The following PGM2L1 variants were observed in gnomAD, a reference collection of about 807,000 sequenced individuals.
PGM2L1 encodes phosphoglucomutase 2 like 1.
PGM2L1 carries 35 observed loss-of-function variants against 73.4 expected under a neutral mutation model. That is an observed-to-expected ratio of 0.48 (90% CI 0.36 to 0.63). PGM2L1 has a LOEUF of 0.63. Among genes scored for constraint, PGM2L1 ranks in the 30% least tolerant of loss-of-function variants. The probability of loss-of-function intolerance (pLI) is 0.00; values close to 1 mark genes in which losing one functional copy is unlikely to be tolerated. For synonymous variants in PGM2L1, 225 were observed against 253.8 expected (o/e 0.89, Z 1.08); for missense variants, 570 against 742.0 (o/e 0.77, Z 2.69).
chr11:74,335,526 G>A lies in PGM2L1; in HGVS notation c.*1126C>T, dbSNP rs1032880436. 6 of 152,148 alleles carry A rather than the reference G, an allele frequency of 3.9e-5. No individual in the cohort carries two copies. Among genetic ancestry groups the A allele is most frequent in the African/African-American group, 1.4e-4 (6 of 41,428 alleles). The allele number at this position is 152,148 out of a possible 1,614,324, so 9.4% of individuals were successfully genotyped here. Reference sequence around the variant, plus strand: ...GTCAGCAAGATGTTAGAATAAACTGGACCTCTGTTTTAAAACATGTAGTTT... The same window carrying A: ...GTCAGCAAGATGTTAGAATAAACTGAACCTCTGTTTTAAAACATGTAGTTT... On this transcript the variant is annotated 3_prime_UTR_variant, in exon 14 of 14. Transcript: ENST00000298198.
intron 4 of PGM2L1, among the ~76,000 whole-genome samples, chr11:74,370,366 C>T (rs1040576030): frequency 1.3e-5 from 2 of 152,162 alleles, no homozygotes; most frequent in Non-Finnish European, 2.9e-5. Context: ...TGTTATCTTC[C>T]TTAATCCATG....
At chr11:74,338,869 A>T (rs979227674) in intron 12 of PGM2L1, among the ~76,000 whole-genome samples, 2 of 152,198 alleles carry the variant, frequency 1.3e-5, no homozygotes, top group African/African-American at 4.8e-5. Context: ...CGAACTATAC[A>T]CTTAAAAATG....
chr11:74,393,921 C>T (rs921954177), intron 1 of PGM2L1, among the ~76,000 whole-genome samples: 1 of 151,996 alleles, frequency 6.6e-6, no homozygotes, highest in Admixed American at 6.6e-5. Context: ...AATGAGAGAA[C>T]CTGCTTCTGG....
At chr11:74,343,899 C>G (rs545309358) in intron 9 of PGM2L1, among the ~76,000 whole-genome samples, 101 of 151,508 alleles carry the variant, frequency 6.7e-4, no homozygotes, top group African/African-American at 2.4e-3. Flanking sequence ...CTGTCTCAGC[C>G]TCCTAAGTAG....
In PGM2L1 at chr11:74,398,158, C is replaced by T. The variant is rs1373570874; in HGVS notation, c.4G>A (p.Ala2Thr). 1.9e-6 allele frequency: 3 copies of T among 1,608,518 alleles called. No homozygotes were observed. Among genetic ancestry groups the T allele is most frequent in the Admixed American group, 3.4e-5 (2 of 59,504 alleles). Residue 2 changes from alanine (A) to threonine (T), a missense_variant, in exon 1 of 14, where the codon GCT (alanine) becomes ACT (threonine). Ala to Thr is a moderately conservative substitution (Grantham distance 58). Transcript: ENST00000298198. M[A>T]ENTEGDLNSN... is the part of the protein sequence containing the mutation. ...TTCAGATCCCCCTCTGTGTTTTCAG[C>T]CATGGCGACCAGACAGGCGTACGGG...
At chr11:74,348,126 T>C (rs1483375778) in intron 6 of PGM2L1, among the ~76,000 whole-genome samples, 2 of 152,270 alleles carry the variant, frequency 1.3e-5, no homozygotes, top group African/African-American at 2.4e-5. Context: ...GTTCTTTGTA[T>C]CAAAGGTCAA....
In PGM2L1 at chr11:74,374,442, A is replaced by G. The variant is rs770569445; in HGVS notation, c.252T>C (p.Asn84=). 1 of 1,613,818 alleles carries G rather than the reference A, an allele frequency of 6.2e-7. No individual in the cohort carries two copies. The highest frequency in any genetic ancestry group is 8.5e-7 in the Non-Finnish European group (1 of 1,179,784). The change falls in exon 2 of 14, where the codon AAT becomes AAC. Residue 84 remains asparagine (N), a synonymous_variant. Transcript: ENST00000298198. ...GTGTTGACTGTATTACTGTAAGGTC[A>G]TTAATATAGCAAAACCCTGCCCCCA... ...SAMGAGFCYI[N]DLTVIQSTQG...
chr11:74,346,699 C>T (rs1235283545), intron 8 of PGM2L1, 33 bp downstream of exon 8: 1 of 1,536,528 alleles, frequency 6.5e-7, no homozygotes, highest in Non-Finnish European at 9.0e-7. Context: ...TTTCAAAGTT[C>T]AAGCTTTTAA....
chr11:74,392,783 G>C (rs967148809), intron 1 of PGM2L1, among the ~76,000 whole-genome samples: 2 of 152,114 alleles, frequency 1.3e-5, no homozygotes, highest in African/African-American at 4.8e-5. Flanking sequence ...CTTGTGATCC[G>C]CCCGCCTCGG....
At chr11:74,348,918 C>A (rs1862307851) in intron 6 of PGM2L1, among the ~76,000 whole-genome samples, 1 of 152,170 alleles carries the variant, frequency 6.6e-6, no homozygotes, top group South Asian at 2.1e-4. Context: ...TATTGACTCA[C>A]AGGTGGAAGC....
At chr11:74,363,947 T>C (rs1003306304) in intron 5 of PGM2L1, among the ~76,000 whole-genome samples, 9 of 152,194 alleles carry the variant, frequency 5.9e-5, no homozygotes, top group Non-Finnish European at 8.8e-5. Context: ...CTGATAAACA[T>C]CAATGCAAAA....
Position 74,333,189 on chromosome 11 carries a change from AAAAAT to A in PGM2L1, c.*3458_*3462del. On this transcript the variant is annotated 3_prime_UTR_variant, in exon 14 of 14. Transcript: ENST00000298198. ...TAATTTTTAAAATTTTTATTCCCTT[AAAAAT>A]AAAAAAAAGATTTTGAATAGAAGAT... The A allele has an allele frequency of 6.6e-6, 1 of 150,854 alleles. No homozygotes were observed. Among genetic ancestry groups the A allele is most frequent in the Non-Finnish European group, 1.5e-5 (1 of 67,996 alleles). The allele number at this position is 150,854 out of a possible 1,614,324, so 9.3% of individuals were successfully genotyped here.
At position 74,365,189 on chromosome 11, in the gene PGM2L1, C is replaced by T. The variant is rs1326034209; in HGVS notation, c.555+3303G>A. Among the ~76,000 whole-genome samples the T allele has an allele frequency of 3.9e-5, 6 of 151,982 alleles. No individual in the cohort carries two copies. In the East Asian group the frequency reaches 7.7e-4, roughly 20 times the overall value. On this transcript the variant is annotated intron_variant, in intron 5 of 13. Coordinates refer to ENST00000298198, the MANE Select transcript of PGM2L1 (RefSeq NM_173582.6). The stretch of plus-strand genomic sequence containing the variant: ...GTAGAAAGCTGAAACTGGATCCCTT[C>T]CTTACACCTTATACAAAAATTAATT...
rs1384210459 is a variant in PGM2L1 at position 74,373,526 on chromosome 11, T to C, written c.279+889A>G. Among the ~76,000 whole-genome samples the C allele has an allele frequency of 4.6e-5, 7 of 152,358 alleles. No individual in the cohort carries two copies. In the East Asian group the frequency reaches 7.7e-4, roughly 17 times the overall value. On this transcript the variant is annotated intron_variant, in intron 2 of 13. Coordinates refer to ENST00000298198, the MANE Select transcript of PGM2L1 (RefSeq NM_173582.6). ...AAATACATTATTGGCCTCAAAAGTATAGTTATTTGAAACAGGATGATTCAC... is the reference window on the plus strand; with the variant it reads ...AAATACATTATTGGCCTCAAAAGTACAGTTATTTGAAACAGGATGATTCAC...
intron 5 of PGM2L1, among the ~76,000 whole-genome samples, chr11:74,353,054 C>T (rs1465434975): frequency 6.6e-6 from 1 of 152,136 alleles, no homozygotes; most frequent in African/African-American, 2.4e-5. Context: ...ATTTTCAAAT[C>T]CAAGGTCTGC....
rs1862034022 is a variant in PGM2L1, at chr11:74,332,787, C to T, written c.*3865G>A. 6.6e-6 allele frequency: 1 copy of T among 152,324 alleles called. No individual in the cohort carries two copies. The highest frequency in any genetic ancestry group is 6.6e-5 in the Admixed American group (1 of 15,266). 9.4% of individuals were successfully genotyped at this position (152,324 alleles called of 1,614,324 possible). ...GTCTATTTCCTATATAAAGACATTCCAAAGTATCCAATCTCTTAGAACCTC... is the reference window on the plus strand; with the variant it reads ...GTCTATTTCCTATATAAAGACATTCTAAAGTATCCAATCTCTTAGAACCTC... On this transcript the variant is annotated 3_prime_UTR_variant, in exon 14 of 14. Transcript: ENST00000298198.
At chr11:74,358,052 G>A (rs972820664) in intron 5 of PGM2L1, among the ~76,000 whole-genome samples, 11 of 152,210 alleles carry the variant, frequency 7.2e-5, no homozygotes, top group Non-Finnish European at 1.2e-4. Flanking sequence ...AGAGAATTCC[G>A]GAGGCAGTAA....
chr11:74,370,311 G>A (rs764628317), intron 4 of PGM2L1, among the ~76,000 whole-genome samples: 6 of 151,986 alleles, frequency 3.9e-5, no homozygotes, highest in African/African-American at 1.5e-4. Context: ...TAGCCCCCAC[G>A]CTCCGTGCAA....
In PGM2L1 at chr11:74,370,959, C is replaced by G. The variant is rs958760456; in HGVS notation, c.414G>C (p.Leu138Phe). 1 of 1,612,606 alleles carries G rather than the reference C, an allele frequency of 6.2e-7. No individual in the cohort carries two copies. Residue 138 changes from leucine (L) to phenylalanine (F), a missense_variant, in exon 4 of 14, where the codon TTG becomes TTC. Leu to Phe is a conservative substitution (Grantham distance 22). Coordinates refer to ENST00000298198, the MANE Select transcript of PGM2L1 (RefSeq NM_173582.6). The part of the protein sequence containing the change: ...QRLAKLTAAV[L>F]LAKDVPVYLF... ...GGTACACAGGAACATCTTTGGCCAGCAAGACTGCAGCAGTGAGTTTAGCAA... is the reference window on the plus strand; with the variant it reads ...GGTACACAGGAACATCTTTGGCCAGGAAGACTGCAGCAGTGAGTTTAGCAA...
Sources: allele counts gnomAD v4.1 joint callset (sites outside exome capture counted in the v4.1 genomes callset), GRCh38; gene constraint gnomAD v4.1.1; transcripts MANE v1.5; gene names NCBI Gene and HGNC (gene_info 2026-07-23, HGNC 2026-07-21).